Variants in LPAR3 observed in about 807,000 individuals in gnomAD.
LPAR3 encodes LPA receptor 3.
LPAR3 carries 7 observed loss-of-function variants against 17.8 expected under a neutral mutation model. The observed-to-expected ratio is 0.39, with a 90% CI of 0.22 to 0.74. The LOEUF is 0.74. LPAR3 is among the 30% of genes least tolerant of loss of function. The probability of loss-of-function intolerance (pLI) is 0.40; values close to 1 mark genes in which losing one functional copy is unlikely to be tolerated. For missense variants in LPAR3, 391 were observed against 453.4 expected, an observed-to-expected ratio of 0.86 and a Z score of 1.25; for synonymous variants, 179 against 179.9, an observed-to-expected ratio of 0.99 and a Z score of 0.04.
At chr1:84,841,166 C>G (rs1232881928) in intron 2 of LPAR3, among the ~76,000 whole-genome samples, 2 of 152,272 alleles carry the variant, frequency 1.3e-5, no homozygotes, top group South Asian at 2.1e-4. Flanking sequence ...TCCTTTCTTT[C>G]TAGATCACAG....
intron 2 of LPAR3, among the ~76,000 whole-genome samples, chr1:84,842,305 T>A (rs955139760): frequency 2.6e-5 from 4 of 152,190 alleles, no homozygotes; most frequent in Admixed American, 6.5e-5. Context: ...TCCAGATAAG[T>A]CATAACCACC....
intron 2 of LPAR3, among the ~76,000 whole-genome samples, chr1:84,854,238 C>T (rs1039234930): frequency 1.3e-5 from 2 of 152,140 alleles, no homozygotes; most frequent in African/African-American, 4.8e-5. Context: ...ATACCTGTCT[C>T]CCACCCTGCC....
intron 1 of LPAR3, among the ~76,000 whole-genome samples, chr1:84,885,134 C>T (rs1353970099): frequency 1.3e-5 from 2 of 152,134 alleles, no homozygotes; most frequent in Non-Finnish European, 2.9e-5. Context: ...GAGGGGGGTA[C>T]TATTGGCATC....
chr1:84,838,659 A>G (rs1659448721), intron 2 of LPAR3, among the ~76,000 whole-genome samples: 1 of 152,066 alleles, frequency 6.6e-6, no homozygotes, highest in South Asian at 2.1e-4. Context: ...TCCAGTCTCA[A>G]CCTCTCTAAT....
At chr1:84,882,520 A>G (rs889338470) in intron 1 of LPAR3, among the ~76,000 whole-genome samples, 1 of 152,216 alleles carries the variant, frequency 6.6e-6, no homozygotes, top group Non-Finnish European at 1.5e-5. Flanking sequence ...AAGGACCCTG[A>G]ATAGCTAAAA....
intron 2 of LPAR3, among the ~76,000 whole-genome samples, chr1:84,861,211 A>G (rs1659935070): frequency 6.6e-6 from 1 of 152,204 alleles, no homozygotes; most frequent in Non-Finnish European, 1.5e-5. Context: ...TAATGCCAGC[A>G]CTGTTGATTT....
chr1:84,861,838 T>C (rs148852921), intron 2 of LPAR3, among the ~76,000 whole-genome samples: 2 of 152,358 alleles, frequency 1.3e-5, no homozygotes, highest in Admixed American at 6.5e-5. Flanking sequence ...ACTTCTCTTA[T>C]CCTACTTGGA....
rs372833624 is a variant in LPAR3 at position 84,881,825 on chromosome 1, A to C, written c.-19+11191T>G. On this transcript the variant is annotated intron_variant, in intron 1 of 2. Coordinates refer to ENST00000370611, the MANE Select transcript of LPAR3 (RefSeq NM_012152.3). ...AGGATTTAGGTCCAAACACTAGCAG[A>C]TAAGCAGGTGAGCCGAGTATTTAAA... Among the ~76,000 whole-genome samples the C allele has an allele frequency of 2.8e-4, 43 of 152,322 alleles. No homozygotes were observed. In the South Asian group the frequency reaches 8.9e-3, roughly 32 times the overall value.
At chr1:84,821,347 C>A (rs144639952) in intron 2 of LPAR3, among the ~76,000 whole-genome samples, 52 of 152,260 alleles carry the variant, frequency 3.4e-4, no homozygotes, top group African/African-American at 1.2e-3. Context: ...CTCTGAGGGA[C>A]TCTTGGCAAC....
intron 2 of LPAR3, among the ~76,000 whole-genome samples, chr1:84,863,227 A>G (rs1170254772): frequency 6.6e-6 from 1 of 152,076 alleles, no homozygotes; most frequent in Non-Finnish European, 1.5e-5. Flanking sequence ...GGTATGCACC[A>G]CCATGGCCAG....
intron 2 of LPAR3, among the ~76,000 whole-genome samples, chr1:84,843,285 T>TAGGG (rs1659540595): frequency 6.6e-6 from 1 of 152,196 alleles, no homozygotes; most frequent in Admixed American, 6.5e-5. Flanking sequence ...GAATCCTGAG[T>TAGGG]AGGGGGTAGT....
chr1:84,884,765 G>GT (rs1660427559), intron 1 of LPAR3, among the ~76,000 whole-genome samples: 1 of 152,192 alleles, frequency 6.6e-6, no homozygotes, highest in Non-Finnish European at 1.5e-5. Flanking sequence ...AGAAAGACAA[G>GT]TAATAACCTG....
chr1:84,830,945 T>A (rs1298114349), intron 2 of LPAR3, among the ~76,000 whole-genome samples: 1 of 152,184 alleles, frequency 6.6e-6, no homozygotes, highest in Non-Finnish European at 1.5e-5. Flanking sequence ...GCAAGCTGAT[T>A]GTTTGGAATT....
chr1:84,866,171 A>T (rs371940938), intron 1 of LPAR3, 33 bp from the exon 2 acceptor site: 4 of 1,480,500 alleles, frequency 2.7e-6, no homozygotes, highest in Non-Finnish European at 3.6e-6. Flanking sequence ...AACAAATATC[A>T]TTTGTAAAAT....
intron 2 of LPAR3, among the ~76,000 whole-genome samples, chr1:84,850,393 CAAAAAAAAAAAAAA>C (rs561506398): frequency 5.2e-5 from 2 of 38,744 alleles, no homozygotes; most frequent in African/African-American, 1.1e-4. Context: ...TCTGTCTCTA[CAAAAAAAAAAAAAA>C]AAAAAAAAAA....
At chr1:84,866,231 C>T (rs1660046761) in intron 1 of LPAR3, 93 bp from the exon 2 acceptor site, 2 of 963,468 alleles carry the variant, frequency 2.1e-6, no homozygotes, top group Non-Finnish European at 3.1e-6. Flanking sequence ...TGGCTAACTC[C>T]CATCAAGGGA....
intron 1 of LPAR3, among the ~76,000 whole-genome samples, chr1:84,872,098 G>A (rs1462511095): frequency 6.6e-6 from 1 of 152,130 alleles, no homozygotes; most frequent in Non-Finnish European, 1.5e-5. Context: ...ATGAAGTTAT[G>A]CTTAGGAAGG....
chr1:84,813,156 T>TAGAGAGAGAGAGAGAGAG lies in LPAR3; in HGVS notation c.*689_*690insCTCTCTCTCTCTCTCTCT, dbSNP rs1274265374. On this transcript the variant is annotated 3_prime_UTR_variant, in exon 3 of 3. Coordinates refer to ENST00000370611, the MANE Select transcript of LPAR3 (RefSeq NM_012152.3). The stretch of plus-strand genomic sequence containing the variant: ...ATATATATATATATATATATATATA[T>TAGAGAGAGAGAGAGAGAG]ATAGACACACACACACACACACACA... 1.1e-4 allele frequency: 11 copies of TAGAGAGAGAGAGAGAGAG among 102,174 alleles called. No homozygotes were observed. Among genetic ancestry groups the TAGAGAGAGAGAGAGAGAG allele is most frequent in the African/African-American group, 3.3e-4 (9 of 27,478 alleles). 6.3% of individuals were successfully genotyped at this position (102,174 alleles called of 1,614,324 possible).
intron 1 of LPAR3, among the ~76,000 whole-genome samples, chr1:84,891,356 A>C (rs1660549107): frequency 2.6e-5 from 4 of 152,210 alleles, no homozygotes; most frequent in African/African-American, 9.7e-5. Flanking sequence ...AGACGTCCAG[A>C]TCTCCACAGG....
Sources: allele counts gnomAD v4.1 joint callset (sites outside exome capture counted in the v4.1 genomes callset), GRCh38; gene constraint gnomAD v4.1.1; transcripts MANE v1.5; gene names NCBI Gene and HGNC (gene_info 2026-07-23, HGNC 2026-07-21).